Variants in AGTPBP1 observed in about 807,000 individuals in gnomAD.
The protein encoded by AGTPBP1 is cytosolic carboxypeptidase 1.
AGTPBP1 carries 70 observed loss-of-function variants against 143.9 expected under a neutral mutation model. That is an observed-to-expected ratio of 0.49 (90% CI 0.40 to 0.59). The LOEUF is 0.59. Ranked by LOEUF, AGTPBP1 falls within the 20% of genes least tolerant of loss-of-function variation. The pLI is 0.00. For synonymous variants in AGTPBP1, 463 were observed against 500.2 expected (o/e 0.93, Z 0.99); for missense variants, 1,229 against 1,464.5 (o/e 0.84, Z 2.62).
chr9:85,551,881 C>A (rs2118415049), intron 25 of AGTPBP1, among the ~76,000 whole-genome samples: 1 of 152,196 alleles, frequency 6.6e-6, no homozygotes, highest in South Asian at 2.1e-4. Flanking sequence ...AAAATTCTTA[C>A]AATCATAAGA....
At chr9:85,570,434 T>C (rs777570519) in intron 25 of AGTPBP1, among the ~76,000 whole-genome samples, 14 of 152,206 alleles carry the variant, frequency 9.2e-5, no homozygotes, top group Non-Finnish European at 1.9e-4. Context: ...CCAAACCTCA[T>C]CTACTATTAT....
intron 17 of AGTPBP1, among the ~76,000 whole-genome samples, chr9:85,607,866 G>A (rs1326607316): frequency 6.6e-6 from 1 of 152,112 alleles, no homozygotes; most frequent in Middle Eastern, 3.4e-3. Context: ...GGCATCTATC[G>A]TAAGCTGCAT....
At chr9:85,622,610 T>TA (rs1263483150) in intron 14 of AGTPBP1, among the ~76,000 whole-genome samples, 8 of 152,128 alleles carry the variant, frequency 5.3e-5, no homozygotes, top group Non-Finnish European at 1.0e-4. Context: ...TTTTATTCTA[T>TA]AAAAAATAAC....
intron 1 of AGTPBP1, among the ~76,000 whole-genome samples, chr9:85,713,641 A>T (rs1837521797): frequency 6.6e-6 from 1 of 152,244 alleles, no homozygotes; most frequent in South Asian, 2.1e-4. Flanking sequence ...GGCAAACTTC[A>T]AATTGTTTAA....
Position 85,552,076 on chromosome 9 carries a change from T to G in AGTPBP1, c.3504-4790A>C, listed in dbSNP as rs1826069280. 2.0e-5 allele frequency among the ~76,000 whole-genome samples: 3 copies of G among 152,196 alleles called. No homozygotes were observed. The South Asian group carries it at 6.2e-4, about 32-fold the overall frequency. ...ATCTATCCTTCTACTCTGAATAGAC[T>G]AAGCCAAAAGCAATTAAGAAATATT... On this transcript the variant is annotated intron_variant, in intron 25 of 25. Coordinates refer to ENST00000357081, the MANE Select transcript of AGTPBP1 (RefSeq NM_001330701.2).
the AGTPBP1 span, among the ~76,000 whole-genome samples, chr9:85,801,132 T>C: frequency 9.2e-5 from 14 of 152,134 alleles, no homozygotes; most frequent in South Asian, 2.9e-3. Flanking sequence ...GCCATCATGG[T>C]GAAATCCTGT....
chr9:85,725,844 G>A (rs912014561), intron 1 of AGTPBP1, among the ~76,000 whole-genome samples: 9 of 151,810 alleles, frequency 5.9e-5, no homozygotes, highest in African/African-American at 1.2e-4. Context: ...TCAGGAGTTC[G>A]AGACCAGCCT....
intron 25 of AGTPBP1, chr9:85,553,946 T>G (rs575285641): frequency 2.7e-4 from 41 of 152,308 alleles, no homozygotes; most frequent in African/African-American, 9.6e-4. Flanking sequence ...TCTCTGATCA[T>G]TCTCAGTAGA....
chr9:85,663,137 C>A (rs777661575), intron 8 of AGTPBP1, among the ~76,000 whole-genome samples: 9 of 152,100 alleles, frequency 5.9e-5, no homozygotes, highest in Non-Finnish European at 1.0e-4. Flanking sequence ...TTAGAGCTCA[C>A]AAGGCAGAAT....
intron 17 of AGTPBP1, among the ~76,000 whole-genome samples, chr9:85,599,283 T>C (rs907717065): frequency 1.3e-5 from 2 of 152,200 alleles, no homozygotes; most frequent in African/African-American, 4.8e-5. Context: ...TTGAGGGTAC[T>C]TCATGGTTTA....
At chr9:85,567,456 G>A (rs1827182907) in intron 25 of AGTPBP1, among the ~76,000 whole-genome samples, 3 of 152,160 alleles carry the variant, frequency 2.0e-5, no homozygotes, top group Non-Finnish European at 4.4e-5. Flanking sequence ...CCAGGCAGTA[G>A]TGGTCCATGC....
At chr9:85,785,013 T>G in the AGTPBP1 span, among the ~76,000 whole-genome samples, 2 of 152,210 alleles carry the variant, frequency 1.3e-5, no homozygotes, top group Non-Finnish European at 2.9e-5. Flanking sequence ...GCTGCCAATG[T>G]GCAACCTGTG....
At chr9:85,588,911 G>A (rs1828780068) in intron 20 of AGTPBP1, among the ~76,000 whole-genome samples, 1 of 152,068 alleles carries the variant, frequency 6.6e-6, no homozygotes, top group Non-Finnish European at 1.5e-5. Context: ...AGAGAAACAA[G>A]TTTATCTGCT....
intron 21 of AGTPBP1, among the ~76,000 whole-genome samples, chr9:85,587,689 G>A (rs996387754): frequency 9.9e-5 from 15 of 151,984 alleles, no homozygotes; most frequent in African/African-American, 3.6e-4. Flanking sequence ...CTCATCTTTG[G>A]AGATACTCAT....
At chr9:85,585,203 AG>A (rs1319473357) in intron 23 of AGTPBP1, among the ~76,000 whole-genome samples, 3 of 152,234 alleles carry the variant, frequency 2.0e-5, no homozygotes, top group Admixed American at 1.3e-4. Context: ...TCAAATTGAC[AG>A]AAGGAGGTAC....
chr9:85,635,716 G>A (rs1831992163), intron 13 of AGTPBP1, among the ~76,000 whole-genome samples: 1 of 151,748 alleles, frequency 6.6e-6, no homozygotes, highest in Non-Finnish European at 1.5e-5. Flanking sequence ...CAAAGGCGAT[G>A]AAGGACAGGA....
intron 7 of AGTPBP1, 31 bp downstream of exon 7, chr9:85,672,519 T>C (rs889745617): frequency 6.3e-7 from 1 of 1,598,954 alleles, no homozygotes; most frequent in African/African-American, 1.4e-5. Flanking sequence ...TTTACAACAC[T>C]GAGTTAACTA....
the AGTPBP1 span, among the ~76,000 whole-genome samples, chr9:85,757,233 A>G: frequency 1.6e-4 from 25 of 152,024 alleles, no homozygotes; most frequent in South Asian, 1.0e-3. Flanking sequence ...TGCCCAGCTA[A>G]TTTTTGTATT....
rs780390213 is a variant in AGTPBP1 at position 85,592,516 on chromosome 9, T to A, written c.2568+44A>T. ...AACTAAACTCAATTTTCTTCCATTA[T>A]CTTATACATATCCATATAATACAAT... On this transcript the variant is annotated intron_variant, in intron 19 of 25. Coordinates refer to ENST00000357081, the MANE Select transcript of AGTPBP1 (RefSeq NM_001330701.2). 2.1e-6 allele frequency: 3 copies of A among 1,404,400 alleles called. No homozygotes were observed. The African/African-American group carries it at 4.5e-5, about 21-fold the overall frequency. 87.0% of individuals were successfully genotyped at this position (1,404,400 alleles called of 1,614,324 possible).
Sources: gnomAD v4.1 joint callset for allele counts (sites outside exome capture counted in the v4.1 genomes callset) on GRCh38, gnomAD v4.1.1 for gene constraint, MANE v1.5 for transcripts, NCBI Gene and HGNC (gene_info 2026-07-23, HGNC 2026-07-21) for gene names.